NELL1: variants seen among roughly 807,000 people sequenced by gnomAD.
The protein encoded by NELL1 is neural EGFL like 1, also known as protein kinase C-binding protein NELL1.
Under a neutral mutation model 107.4 loss-of-function variants are expected in NELL1, and 76 were observed. The observed-to-expected ratio is 0.71, with a 90% CI of 0.59 to 0.86. The LOEUF is 0.86. Ranked by LOEUF, NELL1 falls within the 40% of genes least tolerant of loss-of-function variation. NELL1 has a pLI of 0.00. For synonymous variants in NELL1, 353 were observed against 341.2 expected (o/e 1.03, Z -0.38); for missense variants, 1,024 against 1,005.5 (o/e 1.02, Z -0.25).
rs548318097 is a variant in NELL1, at chr11:21,326,330, G to A, written c.1550-44523G>A. ...TTCCAATGGTTGCTCAACGATTTGC[G>A]GTATTTCACTTAAACTCATCAGAGA... On this transcript the variant is annotated intron_variant, in intron 14 of 19. Coordinates refer to ENST00000357134, the MANE Select transcript of NELL1 (RefSeq NM_006157.5). Among the ~76,000 whole-genome samples the A allele has an allele frequency of 4.0e-5, 6 of 150,616 alleles. No individual in the cohort carries two copies. In the East Asian group the frequency reaches 5.8e-4, roughly 15 times the overall value.
intron 5 of NELL1, among the ~76,000 whole-genome samples, chr11:20,893,085 G>A (rs888419618): frequency 6.6e-6 from 1 of 152,114 alleles, no homozygotes; most frequent in African/African-American, 2.4e-5. Context: ...GCCATGAAAA[G>A]GAATGAGATC....
intron 12 of NELL1, among the ~76,000 whole-genome samples, chr11:21,027,691 A>C (rs2083350876): frequency 1.3e-5 from 2 of 152,216 alleles, no homozygotes; most frequent in South Asian, 4.1e-4. Flanking sequence ...AAATAAGACC[A>C]GTGGGGAAGG....
chr11:21,419,911 C>T (rs1254153292), intron 15 of NELL1, among the ~76,000 whole-genome samples: 1 of 152,080 alleles, frequency 6.6e-6, no homozygotes, highest in African/African-American at 2.4e-5. Context: ...CCATGCTGTT[C>T]CAATTATTTT....
At chr11:21,423,037 A>T (rs1183714712) in intron 15 of NELL1, among the ~76,000 whole-genome samples, 1 of 152,178 alleles carries the variant, frequency 6.6e-6, no homozygotes, top group African/African-American at 2.4e-5. Context: ...ATGGGTTGCT[A>T]TACTAATATA....
At chr11:21,269,350 CCTCTCT>C (rs67054627) in intron 14 of NELL1, among the ~76,000 whole-genome samples, 10 of 147,646 alleles carry the variant, frequency 6.8e-5, no homozygotes, top group African/African-American at 1.7e-4. Flanking sequence ...TTGCCAAATC[CCTCTCT>C]CTCTCTCTCT....
chr11:20,986,430 A>G (rs1851854297), intron 12 of NELL1, among the ~76,000 whole-genome samples: 1 of 152,178 alleles, frequency 6.6e-6, no homozygotes, highest in Non-Finnish European at 1.5e-5. Context: ...TGCTTGTCTT[A>G]TTGACCTTTT....
intron 11 of NELL1, among the ~76,000 whole-genome samples, chr11:20,958,198 G>T (rs539948317): frequency 6.6e-6 from 1 of 152,050 alleles, no homozygotes; most frequent in Admixed American, 6.6e-5. Flanking sequence ...TGGGGAAATC[G>T]CTTGAGCCTA....
intron 12 of NELL1, among the ~76,000 whole-genome samples, chr11:21,100,626 A>T (rs1854781454): frequency 6.6e-6 from 1 of 152,196 alleles, no homozygotes; most frequent in Admixed American, 6.5e-5. Flanking sequence ...CTGAAAGCAG[A>T]CACTTGAGGA....
At chr11:21,220,253 G>A (rs1212474315) in intron 13 of NELL1, among the ~76,000 whole-genome samples, 3 of 152,048 alleles carry the variant, frequency 2.0e-5, no homozygotes, top group Non-Finnish European at 4.4e-5. Flanking sequence ...TGCTGTTTTG[G>A]TTACCATAGC....
At chr11:20,905,934 GT>G (rs1315003943) in intron 5 of NELL1, among the ~76,000 whole-genome samples, 1 of 152,102 alleles carries the variant, frequency 6.6e-6, no homozygotes, top group African/African-American at 2.4e-5. Context: ...TATCCAAGAA[GT>G]TTAGCAAACT....
intron 15 of NELL1, among the ~76,000 whole-genome samples, chr11:21,431,545 G>T (rs1458769604): frequency 6.6e-6 from 1 of 152,198 alleles, no homozygotes. Context: ...AGGTTTCTAA[G>T]ATAGGAGTTA....
intron 2 of NELL1, among the ~76,000 whole-genome samples, chr11:20,707,327 A>G (rs980026079): frequency 2.0e-5 from 3 of 151,148 alleles, no homozygotes; most frequent in Non-Finnish European, 4.4e-5. Flanking sequence ...TAGCTCAGAG[A>G]AGTTTGTTAT....
At chr11:21,466,734 A>G (rs1167258742) in intron 15 of NELL1, among the ~76,000 whole-genome samples, 6 of 152,078 alleles carry the variant, frequency 3.9e-5, no homozygotes, top group Non-Finnish European at 5.9e-5. Flanking sequence ...TACTAATGAC[A>G]GCAGGAGAAC....
chr11:20,831,756 A>G (rs1221331678), intron 3 of NELL1, among the ~76,000 whole-genome samples: 2 of 152,206 alleles, frequency 1.3e-5, no homozygotes, highest in Non-Finnish European at 2.9e-5. Context: ...CGGCCAGTTT[A>G]CTTAATGGTA....
intron 12 of NELL1, among the ~76,000 whole-genome samples, chr11:21,089,367 C>T (rs1435500237): frequency 2.6e-5 from 4 of 152,160 alleles, no homozygotes; most frequent in African/African-American, 9.6e-5. Context: ...AATAGCATTA[C>T]ATAAAATTAT....
At chr11:20,678,565 G>C (rs1162085669) in intron 2 of NELL1, among the ~76,000 whole-genome samples, 1 of 152,132 alleles carries the variant, frequency 6.6e-6, no homozygotes, top group Non-Finnish European at 1.5e-5. Flanking sequence ...AGAAAACATG[G>C]TGTGGTTCTT....
intron 14 of NELL1, among the ~76,000 whole-genome samples, chr11:21,283,035 G>A (rs971307793): frequency 6.6e-6 from 1 of 152,038 alleles, no homozygotes; most frequent in African/African-American, 2.4e-5. Flanking sequence ...GAAGGATAGT[G>A]GGGGAGTGTG....
intron 5 of NELL1, among the ~76,000 whole-genome samples, chr11:20,889,945 G>T (rs1014866870): frequency 1.3e-5 from 2 of 152,128 alleles, no homozygotes; most frequent in South Asian, 4.1e-4. Flanking sequence ...TGAAGAATCC[G>T]GGCAGTCTAG....
intron 5 of NELL1, among the ~76,000 whole-genome samples, chr11:20,913,644 AG>A (rs1256264678): frequency 6.6e-6 from 1 of 152,060 alleles, no homozygotes; most frequent in African/African-American, 2.4e-5. Flanking sequence ...CAGGAGGTAC[AG>A]GGTGGCAACA....
Sources: gnomAD v4.1 joint callset for allele counts (sites outside exome capture counted in the v4.1 genomes callset) on GRCh38, gnomAD v4.1.1 for gene constraint, MANE v1.5 for transcripts, NCBI Gene and HGNC (gene_info 2026-07-23, HGNC 2026-07-21) for gene names.